The following WDPCP variants were observed in gnomAD, a reference collection of about 807,000 sequenced individuals.
WDPCP encodes WD repeat-containing and planar cell polarity effector protein fritz homolog.
In WDPCP, 71 loss-of-function variants were observed where a neutral mutation model predicts 93.1. The observed-to-expected ratio is 0.76, with a 90% CI of 0.63 to 0.93. WDPCP has a LOEUF of 0.93. WDPCP is among the 40% of genes least tolerant of loss of function. WDPCP has a pLI of 0.00. For missense variants in WDPCP, 844 were observed against 887.4 expected (o/e 0.95, Z 0.62); for synonymous variants, 315 against 315.0 (o/e 1.00, Z 0.00).
chr2:63,159,702 G>A (rs1672517810), intron 15 of WDPCP, among the ~76,000 whole-genome samples: 1 of 152,148 alleles, frequency 6.6e-6, no homozygotes, highest in South Asian at 2.1e-4. Context: ...TCTTTGCAGG[G>A]CTGTTTGTCG....
rs869245102 is a variant in WDPCP at position 63,173,286 on chromosome 2, G to A, written c.2078+1384C>T. Among the ~76,000 whole-genome samples, 574 of 140,468 alleles carry A rather than the reference G, an allele frequency of 4.1e-3. 3 individuals carry two copies. Among genetic ancestry groups the A allele is most frequent in the Middle Eastern group, 0.015 (4 of 266 alleles). The allele number at this position is 140,468 out of a possible 152,430, so 92.2% of individuals were successfully genotyped here. ...TCTGTCGCAAAAAAAAAAAAAAAAA[G>A]AAAAAATTGTGGAGAGCTTAATTAG... is the stretch of plus-strand genomic sequence containing the variant. On this transcript the variant is annotated intron_variant, in intron 15 of 17. Coordinates refer to ENST00000272321, the MANE Select transcript of WDPCP (RefSeq NM_015910.7).
intron 12 of WDPCP, among the ~76,000 whole-genome samples, chr2:63,329,412 C>T (rs924255765): frequency 6.6e-6 from 1 of 151,576 alleles, no homozygotes; most frequent in Non-Finnish European, 1.5e-5. Context: ...TTTTTTTTTG[C>T]AAGTACATTG....
intron 9 of WDPCP, among the ~76,000 whole-genome samples, chr2:63,411,676 C>T (rs565697226): frequency 2.6e-5 from 4 of 151,870 alleles, no homozygotes; most frequent in East Asian, 1.9e-4. Flanking sequence ...AATAACCTCA[C>T]TAATAAACGA....
intron 1 of WDPCP, among the ~76,000 whole-genome samples, chr2:63,505,202 T>C (rs956897281): frequency 1.3e-5 from 2 of 152,072 alleles, no homozygotes; most frequent in Non-Finnish European, 2.9e-5. Flanking sequence ...TCTTCCCTGA[T>C]TGTTTGCTTT....
intron 12 of WDPCP, among the ~76,000 whole-genome samples, chr2:63,315,595 T>G (rs145217838): frequency 1.5e-3 from 224 of 152,192 alleles, no homozygotes; most frequent in Non-Finnish European, 2.4e-3. Flanking sequence ...ATTGAATTAT[T>G]AAAGTAGGCA....
chr2:63,783,686 A>G (rs1670429622), intron 2 of WDPCP, among the ~76,000 whole-genome samples: 1 of 152,216 alleles, frequency 6.6e-6, no homozygotes, highest in Non-Finnish European at 1.5e-5. Context: ...CAAATACCAC[A>G]TGTTCTCACT....
At position 63,803,604 on chromosome 2, in the gene WDPCP, G is replaced by A. The variant is rs974180576; in HGVS notation, n.308+10018C>T. 7.3e-5 allele frequency among the ~76,000 whole-genome samples: 11 copies of A among 151,656 alleles called. No individual in the cohort carries two copies. In the South Asian group the frequency reaches 1.0e-3, roughly 14 times the overall value. On this transcript the variant is annotated intron_variant and non_coding_transcript_variant, in intron 2 of 4. Transcript: ENST00000467687. Reference sequence around the variant, plus strand: ...GTACTTTTTAATGGCTGTTAATATAGGAATTATATAAAAATATAGAAAGCT... The same window carrying A: ...GTACTTTTTAATGGCTGTTAATATAAGAATTATATAAAAATATAGAAAGCT...
At chr2:63,182,953 T>A (rs1003744730) in intron 14 of WDPCP, among the ~76,000 whole-genome samples, 2 of 151,908 alleles carry the variant, frequency 1.3e-5, no homozygotes, top group African/African-American at 4.8e-5. Context: ...TGGTAGTCTT[T>A]GATGATCACT....
intron 1 of WDPCP, among the ~76,000 whole-genome samples, chr2:63,583,960 A>C (rs1335606397): frequency 6.6e-6 from 1 of 152,144 alleles, no homozygotes; most frequent in Non-Finnish European, 1.5e-5. Context: ...AAGAAAAAAA[A>C]AGAGTGGCCA....
intron 12 of WDPCP, among the ~76,000 whole-genome samples, chr2:63,318,611 C>T (rs978740188): frequency 9.2e-5 from 14 of 152,058 alleles, no homozygotes; most frequent in Non-Finnish European, 1.9e-4. Context: ...TTGTCCTTTG[C>T]AGCAACATGG....
At chr2:63,322,671 C>T (rs1687210586) in intron 12 of WDPCP, among the ~76,000 whole-genome samples, 1 of 152,112 alleles carries the variant, frequency 6.6e-6, no homozygotes, top group Admixed American at 6.5e-5. Flanking sequence ...TCTGGACACA[C>T]CATCTTTAAG....
upstream of WDPCP, chr2:63,593,441 G>C (rs1709240590): frequency 2.5e-6 from 1 of 397,138 alleles, no homozygotes; most frequent in African/African-American, 2.1e-5. Flanking sequence ...TTCTATGAGT[G>C]AGTACCAAAT....
intron 2 of WDPCP, among the ~76,000 whole-genome samples, chr2:63,722,592 C>T (rs1279039115): frequency 1.4e-5 from 2 of 145,352 alleles, no homozygotes; most frequent in Non-Finnish European, 3.1e-5. Context: ...GGCCAGCCGC[C>T]CCGTCCGGGA....
intron 6 of WDPCP, among the ~76,000 whole-genome samples, chr2:63,470,274 T>TC: frequency 6.6e-6 from 1 of 152,342 alleles, no homozygotes; most frequent in South Asian, 2.1e-4. Context: ...CCCAAATCTT[T>TC]CCCTCAACTA....
chr2:63,515,777 C>T (rs1469395034), intron 1 of WDPCP, among the ~76,000 whole-genome samples: 8 of 152,222 alleles, frequency 5.3e-5, no homozygotes, highest in Non-Finnish European at 8.8e-5. Context: ...CCCAGCACTT[C>T]GGGAGGCCGA....
At chr2:63,336,349 C>A (rs935325824) in intron 12 of WDPCP, among the ~76,000 whole-genome samples, 5 of 152,084 alleles carry the variant, frequency 3.3e-5, no homozygotes, top group African/African-American at 1.2e-4. Flanking sequence ...GGTGCTATTT[C>A]TTTCTTTTAC....
chr2:63,622,726 T>C, intron 3 of WDPCP: 7 of 1,613,186 alleles, frequency 4.3e-6, no homozygotes, highest in Non-Finnish European at 5.9e-6. Flanking sequence ...ATGTCTTCCG[T>C]CAAGACATGT....
intron 12 of WDPCP, among the ~76,000 whole-genome samples, chr2:63,329,381 C>T (rs1687812415): frequency 6.6e-6 from 1 of 152,072 alleles, no homozygotes; most frequent in Non-Finnish European, 1.5e-5. Flanking sequence ...AAATGATACT[C>T]TATTTATGTA....
At chr2:63,428,687 C>G (rs1696500615) in intron 9 of WDPCP, among the ~76,000 whole-genome samples, 1 of 152,174 alleles carries the variant, frequency 6.6e-6, no homozygotes, top group Non-Finnish European at 1.5e-5. Context: ...GATGCCTACT[C>G]TCACCACTCC....
Sources: allele counts gnomAD v4.1 joint callset (sites outside exome capture counted in the v4.1 genomes callset), GRCh38; gene constraint gnomAD v4.1.1; transcripts MANE v1.5; gene names NCBI Gene and HGNC (gene_info 2026-07-23, HGNC 2026-07-21).